The following LSAMP variants were observed in gnomAD, a reference collection of about 807,000 sequenced individuals.
LSAMP encodes limbic system associated membrane protein.
In LSAMP, 7 loss-of-function variants were observed where a neutral mutation model predicts 38.6. The observed-to-expected ratio is 0.18, with a 90% confidence interval of 0.10 to 0.34. The LOEUF (loss-of-function observed/expected upper bound fraction) is 0.34, where lower values mean the gene tolerates loss of function less well. Among genes scored for constraint, LSAMP ranks in the 10% least tolerant of loss-of-function variants. The pLI, the probability that LSAMP is intolerant of heterozygous loss-of-function variation, is 1.00. For missense variants in LSAMP, 313 were observed against 420.0 expected (o/e 0.75, Z 2.23); for synonymous variants, 154 against 166.8 (o/e 0.92, Z 0.59).
At chr3:116,222,654 C>T (rs567118709) in intron 1 of LSAMP, among the ~76,000 whole-genome samples, 21 of 146,862 alleles carry the variant, frequency 1.4e-4, no homozygotes, top group Admixed American at 2.7e-4. Flanking sequence ...CAGGAGTGGG[C>T]TCTCTGAAGG....
chr3:115,906,647 A>G (rs550324930), intron 3 of LSAMP, among the ~76,000 whole-genome samples: 3 of 152,240 alleles, frequency 2.0e-5, no homozygotes, highest in Admixed American at 6.5e-5. Flanking sequence ...TTCATCTGTA[A>G]AGTAAAACTA....
At chr3:116,372,121 T>A (rs2048437653) in intron 1 of LSAMP, among the ~76,000 whole-genome samples, 1 of 152,056 alleles carries the variant, frequency 6.6e-6, no homozygotes, top group Non-Finnish European at 1.5e-5. Flanking sequence ...ACTAGCTCGA[T>A]ACAATCCCAA....
At chr3:116,428,530 T>G (rs934015280) in intron 1 of LSAMP, among the ~76,000 whole-genome samples, 10 of 152,046 alleles carry the variant, frequency 6.6e-5, no homozygotes, top group Non-Finnish European at 1.2e-4. Context: ...AAAAAATGCA[T>G]TTTTCATTAT....
chr3:116,349,567 T>C lies in LSAMP; in HGVS notation c.155+95310A>G, dbSNP rs574050848. Among the ~76,000 whole-genome samples the C allele has an allele frequency of 2.6e-5, 4 of 151,688 alleles. No homozygotes were observed. The South Asian group carries it at 8.3e-4, about 32-fold the overall frequency. On this transcript the variant is annotated intron_variant, in intron 1 of 6. Transcript: ENST00000490035. The stretch of plus-strand genomic sequence containing the variant: ...TATTCCTTCATAATTTTTTAGCATT[T>C]ACTGTCAGGCACTGTTATAGCATTG...
At chr3:116,141,960 A>G (rs1199957326) in intron 1 of LSAMP, among the ~76,000 whole-genome samples, 1 of 152,020 alleles carries the variant, frequency 6.6e-6, no homozygotes, top group African/African-American at 2.4e-5. Flanking sequence ...GCAGCAGCTG[A>G]TGAGTCAGTT....
At chr3:116,075,550 T>G (rs566541997) in intron 2 of LSAMP, among the ~76,000 whole-genome samples, 47 of 151,592 alleles carry the variant, frequency 3.1e-4, no homozygotes, top group African/African-American at 1.1e-3. Context: ...TTATCGTTTT[T>G]TTTTTTTTTT....
At chr3:115,916,466 A>G (rs16824268) in intron 3 of LSAMP, among the ~76,000 whole-genome samples, 8,293 of 152,294 alleles carry the variant, frequency 0.054, 772 homozygotes, top group African/African-American at 0.19. Context: ...AGCTCAGATC[A>G]AGAGAAAAGA....
intron 3 of LSAMP, among the ~76,000 whole-genome samples, chr3:115,972,008 A>C (rs980213289): frequency 1.3e-5 from 2 of 152,088 alleles, no homozygotes; most frequent in African/African-American, 4.8e-5. Context: ...AAGATGTAGA[A>C]AATAATTTTC....
chr3:115,844,871 G>A (rs554033472), intron 4 of LSAMP, among the ~76,000 whole-genome samples: 7 of 152,228 alleles, frequency 4.6e-5, no homozygotes, highest in Admixed American at 4.6e-4. Flanking sequence ...CAGCTACTCG[G>A]GAACCTGCGG....
At chr3:116,160,221 G>A (rs1709851515) in intron 1 of LSAMP, among the ~76,000 whole-genome samples, 1 of 152,140 alleles carries the variant, frequency 6.6e-6, no homozygotes, top group Admixed American at 6.5e-5. Context: ...CCAACATGGT[G>A]AAACCCTGTC....
At chr3:116,173,862 C>T (rs183790244) in intron 1 of LSAMP, among the ~76,000 whole-genome samples, 1 of 150,300 alleles carries the variant, frequency 6.7e-6, no homozygotes, top group East Asian at 2.0e-4. Context: ...TCTCCTTGTT[C>T]CGAAGATGCA....
At chr3:115,925,616 C>T (rs1937481163) in intron 3 of LSAMP, among the ~76,000 whole-genome samples, 1 of 152,098 alleles carries the variant, frequency 6.6e-6, no homozygotes, top group Non-Finnish European at 1.5e-5. Context: ...AGAGGCATTG[C>T]AAAAATTTTT....
At chr3:115,819,885 GAGC>G (rs1397740064) in intron 6 of LSAMP, among the ~76,000 whole-genome samples, 3 of 152,190 alleles carry the variant, frequency 2.0e-5, no homozygotes, top group African/African-American at 7.2e-5. Flanking sequence ...CCTTCTGTAG[GAGC>G]AGAACATTCT....
At chr3:116,218,455 C>T (rs1445484474) in intron 1 of LSAMP, among the ~76,000 whole-genome samples, 1 of 152,134 alleles carries the variant, frequency 6.6e-6, no homozygotes, top group African/African-American at 2.4e-5. Flanking sequence ...CACTCCTCGC[C>T]ACCACTGAAT....
intron 1 of LSAMP, among the ~76,000 whole-genome samples, chr3:116,333,905 T>C (rs2047886170): frequency 6.6e-6 from 1 of 151,122 alleles, no homozygotes; most frequent in Non-Finnish European, 1.5e-5. Context: ...AGATTAGAGA[T>C]AAACAAATTA....
At chr3:116,092,746 A>G (rs181216760) in intron 1 of LSAMP, among the ~76,000 whole-genome samples, 1 of 152,332 alleles carries the variant, frequency 6.6e-6, no homozygotes, top group Admixed American at 6.5e-5. Context: ...CTGCTTAAAA[A>G]ATGAATATAA....
intron 3 of LSAMP, among the ~76,000 whole-genome samples, chr3:115,861,166 C>G (rs57771135): frequency 8.4e-6 from 1 of 119,280 alleles, no homozygotes; most frequent in Non-Finnish European, 1.7e-5. Flanking sequence ...TCCTTCCTTC[C>G]TTCCTTCCTT....
At chr3:116,298,214 C>T (rs538591300) in intron 1 of LSAMP, among the ~76,000 whole-genome samples, 17 of 152,134 alleles carry the variant, frequency 1.1e-4, no homozygotes, top group African/African-American at 3.1e-4. Flanking sequence ...GCTAAAGAAA[C>T]CTTCTGTCTA....
At chr3:116,366,013 T>TAAAAA (rs67452614) in intron 1 of LSAMP, among the ~76,000 whole-genome samples, 3,830 of 28,628 alleles carry the variant, frequency 0.13, 931 homozygotes, top group East Asian at 0.22. Context: ...TAGAGTATAA[T>TAAAAA]AAAAAAAAAA....
Sources: allele counts gnomAD v4.1 joint callset (sites outside exome capture counted in the v4.1 genomes callset), GRCh38; gene constraint gnomAD v4.1.1; transcripts MANE v1.5; gene names NCBI Gene and HGNC (gene_info 2026-07-23, HGNC 2026-07-21).